Variants in STK3 observed in about 807,000 individuals in gnomAD.
STK3 encodes the protein serine/threonine-protein kinase 3.
A neutral mutation model predicts 58.0 loss-of-function variants in STK3; 41 were observed. The ratio of observed to expected loss-of-function variants is 0.71; its 90% CI spans 0.55 to 0.92. The LOEUF (loss-of-function observed/expected upper bound fraction) is 0.92, where lower values mean the gene tolerates loss of function less well. Among genes scored for constraint, STK3 ranks in the 40% least tolerant of loss-of-function variants. The probability of loss-of-function intolerance (pLI) is 0.00; values close to 1 mark genes in which losing one functional copy is unlikely to be tolerated. For missense variants in STK3, 479 were observed against 602.7 expected (o/e 0.79, Z 2.15); for synonymous variants, 170 against 191.0 (o/e 0.89, Z 0.91).
At chr8:98,792,565 T>C (rs999609027) in intron 1 of STK3, among the ~76,000 whole-genome samples, 1 of 152,100 alleles carries the variant, frequency 6.6e-6, no homozygotes, top group Non-Finnish European at 1.5e-5. Flanking sequence ...CTGGGCATGG[T>C]GGCGCATGCC....
At chr8:98,429,526 G>C in intron 3 of STK3, 2 of 746,102 alleles carry the variant, frequency 2.7e-6, no homozygotes, top group Non-Finnish European at 4.4e-6. Context: ...CCCCTGAGGG[G>C]AGAGATGCAT....
At position 98,605,981 on chromosome 8, in the gene STK3, G is replaced by A. The variant is rs185829037; in HGVS notation, c.685-9812C>T. Among the ~76,000 whole-genome samples the A allele has an allele frequency of 2.3e-4, 35 of 152,146 alleles. 1 individual carries two copies. In the East Asian group the frequency reaches 6.0e-3, roughly 26 times the overall value. On this transcript the variant is annotated intron_variant, in intron 6 of 10. Coordinates refer to ENST00000419617, the MANE Select transcript of STK3 (RefSeq NM_006281.4). Reference sequence around the variant, plus strand: ...GGTAGCTCATGCCTGTAATCCCAGCGCTTTGAGAGGCTGAGGCAGTCGGAT... The same window carrying A: ...GGTAGCTCATGCCTGTAATCCCAGCACTTTGAGAGGCTGAGGCAGTCGGAT...
intron 1 of STK3, among the ~76,000 whole-genome samples, chr8:98,890,185 G>C (rs1425785676): frequency 1.3e-5 from 2 of 152,182 alleles, no homozygotes; most frequent in Non-Finnish European, 2.9e-5. Flanking sequence ...CCAGTGCTCT[G>C]GCCCTTGCTG....
At chr8:98,830,206 C>T (rs1835473883), upstream of STK3, among the ~76,000 whole-genome samples, 1 of 151,482 alleles carries the variant, frequency 6.6e-6, no homozygotes, top group African/African-American at 2.4e-5. Flanking sequence ...CCAGCCTGGA[C>T]AACAGAGCAA....
At chr8:98,794,286 GA>G (rs1564007506) in intron 1 of STK3, among the ~76,000 whole-genome samples, 1 of 151,866 alleles carries the variant, frequency 6.6e-6, no homozygotes, top group Non-Finnish European at 1.5e-5. Flanking sequence ...ATTAACAAAA[GA>G]AAAAAGAGAG....
At chr8:98,762,737 G>A (rs1356084025) in intron 3 of STK3, among the ~76,000 whole-genome samples, 3 of 152,204 alleles carry the variant, frequency 2.0e-5, no homozygotes, top group Non-Finnish European at 4.4e-5. Flanking sequence ...GCACCAGGAG[G>A]GTAGGGACTA....
intron 4 of STK3, among the ~76,000 whole-genome samples, chr8:98,743,114 A>C (rs905188121): frequency 6.6e-6 from 1 of 152,100 alleles, no homozygotes; most frequent in African/African-American, 2.4e-5. Flanking sequence ...TTCCATGCTC[A>C]TGGGTAGGAA....
chr8:98,457,096 G>T (rs551434104), intron 10 of STK3, among the ~76,000 whole-genome samples: 10 of 152,290 alleles, frequency 6.6e-5, no homozygotes, highest in Non-Finnish European at 1.2e-4. Flanking sequence ...TCACTTCGGT[G>T]CATAAGAAGT....
At chr8:98,483,760 T>C (rs761990468) in intron 10 of STK3, among the ~76,000 whole-genome samples, 2 of 152,208 alleles carry the variant, frequency 1.3e-5, no homozygotes, top group African/African-American at 4.8e-5. Context: ...AAAGGTGGGA[T>C]AACCAATTTA....
At chr8:98,525,144 T>C (rs1327325991) in intron 10 of STK3, among the ~76,000 whole-genome samples, 1 of 152,172 alleles carries the variant, frequency 6.6e-6, no homozygotes. Context: ...CTGGTAGCTA[T>C]TATCTTAAGT....
intron 6 of STK3, among the ~76,000 whole-genome samples, chr8:98,690,659 C>T (rs974500776): frequency 6.6e-5 from 10 of 152,136 alleles, no homozygotes; most frequent in African/African-American, 2.4e-4. Context: ...TCCTATCAAA[C>T]TACCATCATC....
At chr8:98,409,535 A>G (rs1046929680) in intron 3 of STK3, among the ~76,000 whole-genome samples, 1 of 152,254 alleles carries the variant, frequency 6.6e-6, no homozygotes, top group East Asian at 1.9e-4. Context: ...ACAGGTGCTC[A>G]GAGTTCCACA....
At chr8:98,462,897 T>C (rs1300284621) in intron 10 of STK3, 1 of 152,000 alleles carries the variant, frequency 6.6e-6, no homozygotes, top group Non-Finnish European at 1.5e-5. Flanking sequence ...AACCCTGTTA[T>C]GTCATATTGC....
intron 4 of STK3, among the ~76,000 whole-genome samples, chr8:98,716,403 A>T (rs940763278): frequency 3.3e-5 from 5 of 152,108 alleles, no homozygotes; most frequent in Non-Finnish European, 7.3e-5. Context: ...TACAAAAAAA[A>T]TTCTATTTAC....
chr8:98,457,263 A>G (rs1248221467), intron 10 of STK3, among the ~76,000 whole-genome samples: 1 of 152,250 alleles, frequency 6.6e-6, no homozygotes, highest in African/African-American at 2.4e-5. Flanking sequence ...GTGATCTTGC[A>G]TCTGTTACAT....
intron 3 of STK3, among the ~76,000 whole-genome samples, chr8:98,859,800 T>C (rs773280300): frequency 6.6e-6 from 1 of 152,236 alleles, no homozygotes; most frequent in Non-Finnish European, 1.5e-5. Flanking sequence ...ACAGCATTTC[T>C]TGGGCTCTGA....
chr8:98,504,202 G>A (rs533840986), intron 10 of STK3, among the ~76,000 whole-genome samples: 5 of 152,194 alleles, frequency 3.3e-5, no homozygotes, highest in African/African-American at 1.2e-4. Context: ...TCAGAGACTA[G>A]GATTGCAACC....
chr8:98,707,675 G>A (rs1425382888), intron 4 of STK3, among the ~76,000 whole-genome samples: 1 of 152,002 alleles, frequency 6.6e-6, no homozygotes, highest in Admixed American at 6.6e-5. Flanking sequence ...AAAGTGTTGG[G>A]ATTATAGGTG....
rs16896961 is a variant in STK3 at position 98,393,335 on chromosome 8, C to T, written n.428-5088G>A. On this transcript the variant is annotated intron_variant and non_coding_transcript_variant, in intron 3 of 5. Transcript: ENST00000649151. ...TGTCCTCAGCCCAATTCCTATGGAT[C>T]GCCACCTCAATTCCAAGGAGAGGCT... 1.9e-3 allele frequency among the ~76,000 whole-genome samples: 294 copies of T among 152,218 alleles called. 9 individuals carry two copies. In the East Asian group the frequency reaches 0.044, roughly 23 times the overall value.
Sources: gnomAD v4.1 joint callset for allele counts (sites outside exome capture counted in the v4.1 genomes callset) on GRCh38, gnomAD v4.1.1 for gene constraint, MANE v1.5 for transcripts, NCBI Gene and HGNC (gene_info 2026-07-23, HGNC 2026-07-21) for gene names.